TENM3: variants seen among roughly 807,000 people sequenced by gnomAD.
TENM3 encodes teneurin-3.
Under a neutral mutation model 255.1 loss-of-function variants are expected in TENM3, and 63 were observed. The observed-to-expected ratio is 0.25, with a 90% CI of 0.20 to 0.30. The LOEUF is 0.30. TENM3 is among the 10% of genes least tolerant of loss of function. The pLI, the probability that TENM3 is intolerant of heterozygous loss-of-function variation, is 1.00. For synonymous variants in TENM3, 1,306 were observed against 1,322.3 expected (o/e 0.99, Z 0.27); for missense variants, 2,929 against 3,461.1 (o/e 0.85, Z 3.86).
chr4:181,618,505 G>A, the TENM3 span, among the ~76,000 whole-genome samples: 1 of 152,216 alleles, frequency 6.6e-6, no homozygotes, highest in South Asian at 2.1e-4. Context: ...CAGTGTGGGA[G>A]TCTATTTTTG....
At chr4:181,923,776 A>G in the TENM3 span, among the ~76,000 whole-genome samples, 1 of 152,172 alleles carries the variant, frequency 6.6e-6, no homozygotes, top group Non-Finnish European at 1.5e-5. Flanking sequence ...GAAGTAGATC[A>G]AAAGATACCG....
intron 1 of TENM3, among the ~76,000 whole-genome samples, chr4:182,157,519 C>T (rs1401835908): frequency 6.6e-6 from 1 of 152,210 alleles, no homozygotes; most frequent in Non-Finnish European, 1.5e-5. Flanking sequence ...TTCCCTCACT[C>T]TACATCAATG....
chr4:181,507,141 A>C, the TENM3 span, among the ~76,000 whole-genome samples: 1 of 152,182 alleles, frequency 6.6e-6, no homozygotes, highest in Non-Finnish European at 1.5e-5. Context: ...CAGTTTTTCA[A>C]TGTATACTTG....
the TENM3 span, among the ~76,000 whole-genome samples, chr4:182,028,281 G>A: frequency 6.6e-6 from 1 of 152,236 alleles, no homozygotes; most frequent in Middle Eastern, 3.4e-3. Context: ...TAGCACTAAT[G>A]ATACTTTGAA....
chr4:182,563,679 C>A (rs930057693), intron 3 of TENM3, among the ~76,000 whole-genome samples: 4 of 152,114 alleles, frequency 2.6e-5, no homozygotes, highest in Non-Finnish European at 4.4e-5. Flanking sequence ...TAAATGAAGT[C>A]ATTCCTACAC....
At chr4:181,987,545 T>G in the TENM3 span, among the ~76,000 whole-genome samples, 14 of 152,218 alleles carry the variant, frequency 9.2e-5, no homozygotes, top group African/African-American at 3.4e-4. Flanking sequence ...AACTGAAACC[T>G]GAATCACTAG....
chr4:182,573,244 G>A (rs1456597182), intron 3 of TENM3, among the ~76,000 whole-genome samples: 2 of 152,072 alleles, frequency 1.3e-5, no homozygotes, highest in Admixed American at 6.6e-5. Flanking sequence ...GAATAATAAC[G>A]CTTTCTGGAA....
chr4:182,337,516 T>A (rs77193101), intron 2 of TENM3, among the ~76,000 whole-genome samples: 25,424 of 152,172 alleles, frequency 0.17, 2,694 homozygotes, highest in Non-Finnish European at 0.24. Flanking sequence ...TCTTCCAGAA[T>A]GGCTAAAATT....
the TENM3 span, among the ~76,000 whole-genome samples, chr4:181,865,114 A>C: frequency 1.3e-5 from 2 of 152,218 alleles, no homozygotes; most frequent in Non-Finnish European, 2.9e-5. Flanking sequence ...CATTCTTTGG[A>C]GCTTACAGAT....
At chr4:181,547,284 T>C in the TENM3 span, among the ~76,000 whole-genome samples, 5 of 152,166 alleles carry the variant, frequency 3.3e-5, no homozygotes, top group South Asian at 2.1e-4. Context: ...ATATCCAAAG[T>C]TGAAAAAATA....
intron 3 of TENM3, among the ~76,000 whole-genome samples, chr4:182,452,566 G>GTCCT (rs1392774816): frequency 6.6e-6 from 1 of 152,106 alleles, no homozygotes; most frequent in Non-Finnish European, 1.5e-5. Flanking sequence ...TTCAGATTAG[G>GTCCT]ATCATTAGTG....
At chr4:182,501,776 TTA>T (rs559291182) in intron 3 of TENM3, among the ~76,000 whole-genome samples, 14 of 152,220 alleles carry the variant, frequency 9.2e-5, no homozygotes, top group Non-Finnish European at 1.9e-4. Context: ...GGCGATATAG[TTA>T]TATGACTTTT....
intron 5 of TENM3, among the ~76,000 whole-genome samples, chr4:182,647,897 A>G (rs1315933310): frequency 6.6e-6 from 1 of 152,174 alleles, no homozygotes; most frequent in Non-Finnish European, 1.5e-5. Context: ...GACAAATCAT[A>G]ATGTTTTTAA....
the TENM3 span, among the ~76,000 whole-genome samples, chr4:182,114,612 TTAAAATGCA>T: frequency 6.6e-6 from 1 of 152,144 alleles, no homozygotes; most frequent in Non-Finnish European, 1.5e-5. Context: ...GATACCTCTA[TTAAAATGCA>T]TAAGTAATAA....
At chr4:182,579,069 A>T (rs1305659394) in intron 3 of TENM3, among the ~76,000 whole-genome samples, 3 of 152,198 alleles carry the variant, frequency 2.0e-5, no homozygotes, top group Non-Finnish European at 4.4e-5. Context: ...TTAGGGAATA[A>T]GCCCCTTTAG....
the TENM3 span, among the ~76,000 whole-genome samples, chr4:181,791,930 A>G: frequency 1.3e-5 from 2 of 152,210 alleles, no homozygotes; most frequent in Non-Finnish European, 2.9e-5. Flanking sequence ...AAATTAAGGC[A>G]TGTGTCCTCC....
intron 3 of TENM3, among the ~76,000 whole-genome samples, chr4:182,391,632 A>T (rs555434100): frequency 5.7e-4 from 87 of 152,322 alleles, no homozygotes; most frequent in African/African-American, 2.1e-3. Context: ...TTTAATGATT[A>T]TGCAGCTCGT....
At position 182,254,087 on chromosome 4, in the gene TENM3, A is replaced by G. The variant is rs552626307; in HGVS notation, c.-76+10611A>G. On this transcript the variant is annotated intron_variant, in intron 1 of 27. Transcript: ENST00000511685. Reference sequence around the variant, plus strand: ...TAATTATTATATTGAAGTGGACATTAGTTTCTTGATGCCAAATCGTGTTCT... The same window carrying G: ...TAATTATTATATTGAAGTGGACATTGGTTTCTTGATGCCAAATCGTGTTCT... Among the ~76,000 whole-genome samples the G allele has an allele frequency of 7.9e-5, 12 of 152,288 alleles. No individual in the cohort carries two copies. The South Asian group carries it at 2.1e-3, about 26-fold the overall frequency.
chr4:182,622,643 A>G (rs773704643), intron 4 of TENM3, among the ~76,000 whole-genome samples: 5 of 152,236 alleles, frequency 3.3e-5, no homozygotes, highest in African/African-American at 4.8e-5. Context: ...TTTGGTTTTT[A>G]TAATTTCCAG....
Sources: allele counts gnomAD v4.1 joint callset (sites outside exome capture counted in the v4.1 genomes callset), GRCh38; gene constraint gnomAD v4.1.1; transcripts MANE v1.5; gene names NCBI Gene and HGNC (gene_info 2026-07-23, HGNC 2026-07-21).